The following PDGFC variants were observed in gnomAD, a reference collection of about 807,000 sequenced individuals.
PDGFC encodes platelet derived growth factor C.
A neutral mutation model predicts 35.5 loss-of-function variants in PDGFC; 12 were observed. The observed-to-expected ratio is 0.34, with a 90% CI of 0.22 to 0.55. PDGFC has a LOEUF of 0.55. Ranked by LOEUF, PDGFC falls within the 20% of genes least tolerant of loss-of-function variation. The pLI is 0.91. For missense variants in PDGFC, 322 were observed against 412.4 expected, an observed-to-expected ratio of 0.78 and a Z score of 1.90; for synonymous variants, 159 against 148.8, an observed-to-expected ratio of 1.07 and a Z score of -0.50.
At chr4:156,899,564 C>T (rs1028780938) in intron 1 of PDGFC, among the ~76,000 whole-genome samples, 1 of 152,192 alleles carries the variant, frequency 6.6e-6, no homozygotes, top group Admixed American at 6.5e-5. Flanking sequence ...CCTGTAATCC[C>T]AGCACTTTGG....
At chr4:156,928,792 G>A (rs528095036) in intron 1 of PDGFC, among the ~76,000 whole-genome samples, 1 of 152,234 alleles carries the variant, frequency 6.6e-6, no homozygotes, top group African/African-American at 2.4e-5. Context: ...ATAGACTTTT[G>A]GAAAACATTG....
chr4:156,916,648 G>A (rs1003856701), intron 1 of PDGFC, among the ~76,000 whole-genome samples: 2 of 152,136 alleles, frequency 1.3e-5, no homozygotes, highest in Admixed American at 6.5e-5. Flanking sequence ...AACGAAAGTG[G>A]TTCCCTACCC....
intron 3 of PDGFC, among the ~76,000 whole-genome samples, chr4:156,793,639 C>T (rs1269942905): frequency 1.3e-5 from 2 of 149,004 alleles, no homozygotes; most frequent in East Asian, 3.9e-4. Flanking sequence ...GGGTCTTGGG[C>T]AAAAAAATTT....
intron 2 of PDGFC, among the ~76,000 whole-genome samples, chr4:156,832,454 G>A (rs943499228): frequency 4.0e-5 from 6 of 151,306 alleles, no homozygotes; most frequent in East Asian, 1.9e-4. Context: ...ACAGGGTTTC[G>A]CCATGTTGGC....
intron 1 of PDGFC, among the ~76,000 whole-genome samples, chr4:156,856,983 G>A (rs1729598676): frequency 1.3e-5 from 2 of 151,606 alleles, no homozygotes; most frequent in East Asian, 3.9e-4. Flanking sequence ...CCTTGGGAAT[G>A]CCACAGTTGT....
intron 1 of PDGFC, among the ~76,000 whole-genome samples, chr4:156,889,673 T>C (rs935065857): frequency 6.6e-6 from 1 of 152,196 alleles, no homozygotes; most frequent in African/African-American, 2.4e-5. Context: ...CAAAGTGTAA[T>C]GGAACAGTTT....
At chr4:156,866,607 T>C (rs1729849313) in intron 1 of PDGFC, among the ~76,000 whole-genome samples, 1 of 152,126 alleles carries the variant, frequency 6.6e-6, no homozygotes. Flanking sequence ...CACTACATTA[T>C]TGTAACTATT....
At chr4:156,933,177 G>T (rs1462198817) in intron 1 of PDGFC, among the ~76,000 whole-genome samples, 1 of 152,166 alleles carries the variant, frequency 6.6e-6, no homozygotes, top group Non-Finnish European at 1.5e-5. Context: ...TCCCACAGTA[G>T]ATATCACTAG....
chr4:156,857,228 G>A (rs948522758), intron 1 of PDGFC, among the ~76,000 whole-genome samples: 1 of 151,868 alleles, frequency 6.6e-6, no homozygotes, highest in African/African-American at 2.4e-5. Context: ...GAATAAGAGA[G>A]AAAATTTACC....
intron 1 of PDGFC, among the ~76,000 whole-genome samples, chr4:156,861,727 G>T (rs1729714148): frequency 6.6e-6 from 1 of 152,008 alleles, no homozygotes; most frequent in Non-Finnish European, 1.5e-5. Context: ...AAAAGAAAGA[G>T]CATTATTTGG....
At chr4:156,945,796 C>T (rs1223957882) in intron 1 of PDGFC, among the ~76,000 whole-genome samples, 1 of 151,958 alleles carries the variant, frequency 6.6e-6, no homozygotes, top group African/African-American at 2.4e-5. Context: ...TGAAAAACAT[C>T]CAACATTGTA....
At chr4:156,797,211 C>T (rs889809453) in intron 3 of PDGFC, among the ~76,000 whole-genome samples, 1 of 151,008 alleles carries the variant, frequency 6.6e-6, no homozygotes, top group Admixed American at 6.6e-5. Context: ...GCACTCCACC[C>T]TGTGCGACAG....
chr4:156,832,059 T>C (rs544499728), intron 2 of PDGFC, among the ~76,000 whole-genome samples: 154 of 152,190 alleles, frequency 1.0e-3, no homozygotes, highest in Admixed American at 2.5e-3. Context: ...AGTTTCTCTC[T>C]TAATATGGAA....
At chr4:156,839,221 T>C (rs908370980) in intron 2 of PDGFC, among the ~76,000 whole-genome samples, 2 of 152,202 alleles carry the variant, frequency 1.3e-5, no homozygotes, top group Admixed American at 6.5e-5. Flanking sequence ...AAGACTCTTT[T>C]ACATTATGTC....
intron 2 of PDGFC, among the ~76,000 whole-genome samples, chr4:156,825,572 T>TAAG (rs1160328114): frequency 5.2e-4 from 49 of 94,664 alleles, no homozygotes; most frequent in East Asian, 2.0e-3. Context: ...ATAATAATAA[T>TAAG]AATAATAATA....
chr4:156,915,952 G>GA (rs1393361689), intron 1 of PDGFC, among the ~76,000 whole-genome samples: 2 of 152,010 alleles, frequency 1.3e-5, no homozygotes, highest in Non-Finnish European at 2.9e-5. Flanking sequence ...AGGATATGTA[G>GA]AAAATGAATT....
intron 3 of PDGFC, among the ~76,000 whole-genome samples, chr4:156,793,270 G>A (rs1205482769): frequency 6.6e-6 from 1 of 151,630 alleles, no homozygotes; most frequent in Admixed American, 6.6e-5. Flanking sequence ...ATCAATTTTG[G>A]GGACTATAAG....
intron 1 of PDGFC, among the ~76,000 whole-genome samples, chr4:156,870,843 T>G (rs1379603478): frequency 6.6e-6 from 1 of 152,170 alleles, no homozygotes; most frequent in African/African-American, 2.4e-5. Context: ...TTGTATACTA[T>G]GTCTTGCTAT....
intron 1 of PDGFC, among the ~76,000 whole-genome samples, chr4:156,953,922 C>T (rs1732144302): frequency 6.6e-6 from 1 of 151,912 alleles, no homozygotes; most frequent in Non-Finnish European, 1.5e-5. Context: ...AAATGCCATT[C>T]CTTCTCATTC....
Sources: gnomAD v4.1 joint callset for allele counts (sites outside exome capture counted in the v4.1 genomes callset) on GRCh38, gnomAD v4.1.1 for gene constraint, MANE v1.5 for transcripts, NCBI Gene and HGNC (gene_info 2026-07-23, HGNC 2026-07-21) for gene names.